ACER1: variants seen among roughly 807,000 people sequenced by gnomAD.
ACER1 encodes alkaline ceramidase 1, also known as CTB-180A7.3.
In ACER1, 28 loss-of-function variants were observed where a neutral mutation model predicts 24.9. The observed-to-expected ratio is 1.13, with a 90% CI of 0.83 to 1.54. ACER1 has a LOEUF of 1.54. Among genes scored for constraint, ACER1 ranks in the 40% most tolerant of loss-of-function variants. ACER1 has a pLI of 0.00. For synonymous variants in ACER1, 132 were observed against 131.4 expected (o/e 1.00, Z -0.03); for missense variants, 352 against 349.3 (o/e 1.01, Z -0.06).
chr19:6,332,765 G>A (rs543486580), intron 1 of ACER1, among the ~76,000 whole-genome samples: 168 of 152,114 alleles, frequency 1.1e-3, no homozygotes, highest in African/African-American at 3.6e-3. Flanking sequence ...CCGCCTCCTG[G>A]GTTCAAGCGA....
intron 1 of ACER1, among the ~76,000 whole-genome samples, chr19:6,323,579 T>C (rs1202546573): frequency 6.6e-6 from 1 of 152,226 alleles, no homozygotes; most frequent in African/African-American, 2.4e-5. Flanking sequence ...TCCATTAAAC[T>C]TCTTTCTTTT....
In ACER1 at chr19:6,312,212, A is replaced by C. The variant is rs761633379; in HGVS notation, c.287T>G (p.Leu96Arg). 6.2e-7 allele frequency: 1 copy of C among 1,614,054 alleles called. No homozygotes were observed. The highest frequency in any genetic ancestry group is 1.1e-5 in the South Asian group (1 of 91,062). The change falls in exon 3 of 6, where the codon CTG (leucine) becomes CGG (arginine). Residue 96 changes from leucine (L) to arginine (R), a missense_variant. Transcript: ENST00000301452. ...CATCCATATGCTATAGCCACTGCCC[A>C]GGAGCCACAGGATGGCGATCTCGTC... ...LLDEIAILWL[L>R]GSGYSIWMPR...
At chr19:6,327,539 T>C (rs1225490639) in intron 1 of ACER1, among the ~76,000 whole-genome samples, 1 of 151,736 alleles carries the variant, frequency 6.6e-6, no homozygotes, top group African/African-American at 2.4e-5. Context: ...CACTCCAGCC[T>C]GGGCGGCAGA....
At chr19:6,315,676 G>C (rs2091600075) in intron 1 of ACER1, among the ~76,000 whole-genome samples, 1 of 146,260 alleles carries the variant, frequency 6.8e-6, no homozygotes, top group Middle Eastern at 3.2e-3. Context: ...ACCACGGCCA[G>C]CCTAATTTTT....
At chr19:6,312,311 G>C (rs376683009) in intron 2 of ACER1, 21 bp from the exon 3 acceptor site, 177 of 1,613,592 alleles carry the variant, frequency 1.1e-4, no homozygotes, top group Admixed American at 3.3e-4. Flanking sequence ...AAGGGCAGGC[G>C]GTCAGTGGGG....
chr19:6,306,818 AG>A lies in ACER1; in HGVS notation c.690del (p.Tyr231MetfsTer55). Reference sequence around the variant, plus strand: ...TTGAGGGTTTCACCTGGCATCTCATAGTTGGCATCCACCAAGGCCATGGTGA... The same window carrying A: ...TTGAGGGTTTCACCTGGCATCTCATATTGGCATCCACCAAGGCCATGGTGA... ...GMVTMALVDA[N>X]YEMPGETLKV... On this transcript the variant is annotated frameshift_variant, in exon 6 of 6. Coordinates refer to ENST00000301452, the MANE Select transcript of ACER1 (RefSeq NM_133492.3). LOFTEE classifies it high-confidence loss of function. 6.2e-7 allele frequency: 1 copy of A among 1,614,160 alleles called. No individual in the cohort carries two copies. Among genetic ancestry groups the A allele is most frequent in the Non-Finnish European group, 8.5e-7 (1 of 1,180,020 alleles).
At chr19:6,348,344 A>G in the ACER1 span, among the ~76,000 whole-genome samples, 1 of 151,738 alleles carries the variant, frequency 6.6e-6, no homozygotes, top group East Asian at 1.9e-4. Flanking sequence ...ACGCGCCTGT[A>G]ATCTCAGCTA....
intron 1 of ACER1, among the ~76,000 whole-genome samples, chr19:6,317,029 A>C (rs1370455248): frequency 1.5e-5 from 2 of 129,418 alleles, no homozygotes; most frequent in African/African-American, 5.9e-5. Context: ...GCTGGAGTGC[A>C]GTGGTGCAAT....
At chr19:6,349,071 G>T in the ACER1 span, among the ~76,000 whole-genome samples, 1 of 150,750 alleles carries the variant, frequency 6.6e-6, no homozygotes, top group South Asian at 2.1e-4. Context: ...AGAAGGAGAA[G>T]AAGAAGGAGG....
upstream of ACER1, among the ~76,000 whole-genome samples, chr19:6,338,343 A>G (rs1385731668): frequency 6.6e-6 from 1 of 152,198 alleles, no homozygotes; most frequent in African/African-American, 2.4e-5. Flanking sequence ...AGATCTATAC[A>G]TGTGATATTA....
chr19:6,352,775 T>C, the ACER1 span, among the ~76,000 whole-genome samples: 6 of 152,204 alleles, frequency 3.9e-5, no homozygotes, highest in Non-Finnish European at 7.3e-5. Flanking sequence ...GAGCCATTCA[T>C]TGGTGCATCC....
chr19:6,321,201 T>C (rs967047804), intron 1 of ACER1, among the ~76,000 whole-genome samples: 13 of 151,828 alleles, frequency 8.6e-5, no homozygotes, highest in Admixed American at 5.3e-4. Flanking sequence ...AGTGGCATGA[T>C]CTTGGCTCAC....
chr19:6,316,125 C>T (rs1322305380), intron 1 of ACER1, among the ~76,000 whole-genome samples: 1 of 151,942 alleles, frequency 6.6e-6, no homozygotes, highest in Non-Finnish European at 1.5e-5. Flanking sequence ...GAGACTCCGT[C>T]TCAAAAAAAG....
upstream of ACER1, among the ~76,000 whole-genome samples, chr19:6,338,158 G>T (rs2091722299): frequency 6.6e-6 from 1 of 152,032 alleles, no homozygotes; most frequent in African/African-American, 2.4e-5. Flanking sequence ...ATGGAGTCTT[G>T]CTCCGTTTCC....
chr19:6,319,915 C>T (rs1469026824), intron 1 of ACER1, among the ~76,000 whole-genome samples: 1 of 151,958 alleles, frequency 6.6e-6, no homozygotes, highest in African/African-American at 2.4e-5. Flanking sequence ...AGTTCAAGAC[C>T]AGCCTGGCCG....
chr19:6,307,158 G>A lies in ACER1; in HGVS notation c.621C>T (p.Ser207=), dbSNP rs1245537274. ...WQRIHFFYLH[S]IWHVLISITF... is the part of the protein sequence containing the mutation. ...GCCTCAGAGCATGTGCTTACCAGAT[G>A]CTGTGCAGATAGAAGAAATGAATCC... Residue 207 remains serine, a synonymous_variant, in exon 5 of 6, where the codon AGC becomes AGT. Transcript: ENST00000301452. The A allele has an allele frequency of 6.2e-7, 1 of 1,613,950 alleles. No individual in the cohort carries two copies. The highest frequency in any genetic ancestry group is 8.5e-7 in the Non-Finnish European group (1 of 1,180,050).
At chr19:6,315,271 A>C (rs1378176295) in intron 1 of ACER1, among the ~76,000 whole-genome samples, 1 of 151,816 alleles carries the variant, frequency 6.6e-6, no homozygotes, top group Non-Finnish European at 1.5e-5. Context: ...TGACACGATC[A>C]TGGGTCACTG....
At chr19:6,345,015 G>A in the ACER1 span, among the ~76,000 whole-genome samples, 210 of 151,700 alleles carry the variant, frequency 1.4e-3, 3 homozygotes, top group East Asian at 0.028. Context: ...ACAGGTGCCC[G>A]CCACCACACC....
chr19:6,354,871 G>A, the ACER1 span, among the ~76,000 whole-genome samples: 20 of 152,042 alleles, frequency 1.3e-4, no homozygotes, highest in South Asian at 2.1e-4. Flanking sequence ...CACTGATGCC[G>A]AGCCGAAGCT....
Sources: allele counts gnomAD v4.1 joint callset (sites outside exome capture counted in the v4.1 genomes callset), GRCh38; gene constraint gnomAD v4.1.1; transcripts MANE v1.5; gene names NCBI Gene and HGNC (gene_info 2026-07-23, HGNC 2026-07-21).